ARID5B: variants seen among roughly 807,000 people sequenced by gnomAD.
ARID5B encodes AT-rich interactive domain-containing protein 5B.
A neutral mutation model predicts 97.2 loss-of-function variants in ARID5B; 13 were observed. The ratio of observed to expected loss-of-function variants is 0.13; its 90% confidence interval spans 0.09 to 0.21. The LOEUF (loss-of-function observed/expected upper bound fraction) is 0.21, where lower values mean the gene tolerates loss of function less well. Ranked by LOEUF, ARID5B falls within the 10% of genes least tolerant of loss-of-function variation. The pLI is 1.00. For synonymous variants in ARID5B, 556 were observed against 570.3 expected (o/e 0.97, Z 0.36); for missense variants, 1,210 against 1,465.3 (o/e 0.83, Z 2.84).
intron 7 of ARID5B, among the ~76,000 whole-genome samples, chr10:62,065,778 G>A (rs920096163): frequency 2.1e-5 from 3 of 145,708 alleles, no homozygotes; most frequent in East Asian, 2.1e-4. Flanking sequence ...CCTGGAAGGC[G>A]GAGCTTGTAG....
chr10:61,911,964 C>T (rs1453287975), intron 2 of ARID5B, among the ~76,000 whole-genome samples: 3 of 152,252 alleles, frequency 2.0e-5, no homozygotes, highest in Admixed American at 6.5e-5. Flanking sequence ...TACCCCAACC[C>T]TCCACCAAGG....
intron 9 of ARID5B, among the ~76,000 whole-genome samples, chr10:62,089,490 T>TCTTCCTTC (rs562636516): frequency 6.7e-6 from 1 of 149,900 alleles, no homozygotes; most frequent in Non-Finnish European, 1.5e-5. Context: ...TTCCTTCCTT[T>TCTTCCTTC]CTTCCTTCCT....
At position 62,091,438 on chromosome 10, in the gene ARID5B, G is replaced by A. The variant is rs1405883740; in HGVS notation, c.1975G>A (p.Asp659Asn). Residue 659 changes from aspartate (D) to asparagine (N), a missense_variant, in exon 10 of 10, where the codon GAC becomes AAC. Asp to Asn is a conservative substitution (Grantham distance 23). Around this residue, in one of 8 missense-constraint regions of ARID5B, gnomAD observed 800 missense variants for 839.1 expected, o/e 0.95. Transcript: ENST00000279873. Reference sequence around the variant, plus strand: ...GGTCCAGTCGTTTGACATGTTCAAAGACAAAGACCTGACTGGGCCCATGAA... The same window carrying A: ...GGTCCAGTCGTTTGACATGTTCAAAAACAAAGACCTGACTGGGCCCATGAA... ...LVVQSFDMFK[D>N]KDLTGPMNEN... 1.2e-6 allele frequency: 2 copies of A among 1,611,946 alleles called. No individual in the cohort carries two copies. Among genetic ancestry groups the A allele is most frequent in the Non-Finnish European group, 1.7e-6 (2 of 1,178,804 alleles).
chr10:62,022,934 T>A (rs1462525496), intron 4 of ARID5B, among the ~76,000 whole-genome samples: 1 of 152,258 alleles, frequency 6.6e-6, no homozygotes, highest in Non-Finnish European at 1.5e-5. Flanking sequence ...GTGCCCGTGT[T>A]AACGAACTTC....
intron 4 of ARID5B, among the ~76,000 whole-genome samples, chr10:62,019,312 T>C (rs1839324027): frequency 6.6e-6 from 1 of 152,216 alleles, no homozygotes; most frequent in South Asian, 2.1e-4. Context: ...TTGCTATTAT[T>C]TCTCCTTAAT....
At chr10:62,059,034 C>G (rs537107304) in intron 6 of ARID5B, among the ~76,000 whole-genome samples, 7 of 152,220 alleles carry the variant, frequency 4.6e-5, no homozygotes, top group Admixed American at 6.5e-5. Context: ...AGCTTTATGA[C>G]TGTTTCTTAA....
At chr10:62,059,391 T>C in intron 7 of ARID5B, 96 bp downstream of exon 7, 1 of 983,454 alleles carries the variant, frequency 1.0e-6, no homozygotes, top group East Asian at 2.5e-5. Flanking sequence ...AAAACATCAC[T>C]GACTGCCTTT....
At chr10:61,908,799 C>CAAAAAAAA (rs369792859) in intron 2 of ARID5B, among the ~76,000 whole-genome samples, 17 of 50,984 alleles carry the variant, frequency 3.3e-4, no homozygotes, top group East Asian at 6.5e-4. Context: ...GACTCCATCT[C>CAAAAAAAA]AAAAAAAAAA....
chr10:62,065,460 A>G (rs1175389502), intron 7 of ARID5B, among the ~76,000 whole-genome samples: 4 of 152,150 alleles, frequency 2.6e-5, no homozygotes. Context: ...GTGGATGGTG[A>G]TGTGAATCTG....
At chr10:62,082,675 T>C (rs76112156) in intron 8 of ARID5B, among the ~76,000 whole-genome samples, 2,453 of 152,338 alleles carry the variant, frequency 0.016, 24 homozygotes, top group South Asian at 0.025. Flanking sequence ...AACCTGTTTT[T>C]AATGGTACCA....
intron 2 of ARID5B, among the ~76,000 whole-genome samples, chr10:61,912,384 A>G (rs1300290665): frequency 6.6e-6 from 1 of 151,362 alleles, no homozygotes; most frequent in African/African-American, 2.5e-5. Flanking sequence ...ATAGTACTGT[A>G]TTGTATACTT....
At chr10:62,050,775 C>G in intron 4 of ARID5B, 113 bp from the exon 5 acceptor site, 1 of 866,312 alleles carries the variant, frequency 1.2e-6, no homozygotes, top group South Asian at 1.6e-5. Flanking sequence ...TGCCACAGAT[C>G]TGTACATTTC....
rs138308936 is a variant in ARID5B at position 61,911,448 on chromosome 10, G to GT, written c.276+9039dup. 4.6e-5 allele frequency among the ~76,000 whole-genome samples: 7 copies of GT among 152,244 alleles called. No individual in the cohort carries two copies. The East Asian group carries it at 1.3e-3, about 29-fold the overall frequency. On this transcript the variant is annotated intron_variant, in intron 2 of 9. Transcript: ENST00000279873. Reference sequence around the variant, plus strand: ...ATATAAAGTATATGCTGTTCAACCTGTTTTATATGTGGGAAGAAGTTTTAT... The same window carrying GT: ...ATATAAAGTATATGCTGTTCAACCTGTTTTTATATGTGGGAAGAAGTTTTAT...
intron 4 of ARID5B, among the ~76,000 whole-genome samples, chr10:62,045,467 G>C (rs1265769759): frequency 7.7e-6 from 1 of 130,302 alleles, no homozygotes; most frequent in Non-Finnish European, 1.6e-5. Context: ...TTTTTTTTTA[G>C]ACGAAGTCTT....
At chr10:61,955,615 C>T (rs182790179) in intron 3 of ARID5B, among the ~76,000 whole-genome samples, 2 of 152,250 alleles carry the variant, frequency 1.3e-5, no homozygotes, top group East Asian at 3.9e-4. Context: ...ACTATACTTA[C>T]TATCTCTTCA....
chr10:62,091,088 T>C lies in ARID5B; in HGVS notation c.1625T>C (p.Leu542Pro), dbSNP rs200031871. ...GGAGAGAAGGGGCCCACACCTCCACTCCCAAGTGCTCCTCTGGCCCCAGAA... is the reference window on the plus strand; with the variant it reads ...GGAGAGAAGGGGCCCACACCTCCACCCCCAAGTGCTCCTCTGGCCCCAGAA... The part of the protein sequence containing the change: ...EAGEKGPTPP[L>P]PSAPLAPEKD... The change falls in exon 10 of 10, where the codon CTC becomes CCC. Residue 542 changes from leucine to proline, a missense_variant. This residue lies in a region of ARID5B where 800 missense variants were observed against 839.1 expected (regional missense o/e 0.95). Transcript: ENST00000279873. 2.7e-5 allele frequency: 44 copies of C among 1,613,804 alleles called. No individual in the cohort carries two copies. Among genetic ancestry groups the C allele is most frequent in the Non-Finnish European group, 3.7e-5 (44 of 1,179,958 alleles).
At chr10:61,935,721 A>G (rs1844288516) in intron 2 of ARID5B, among the ~76,000 whole-genome samples, 3 of 152,222 alleles carry the variant, frequency 2.0e-5, no homozygotes, top group Admixed American at 2.0e-4. Context: ...TTTTACTGTA[A>G]GTTAATTTAA....
At chr10:61,983,014 C>T (rs1225152015) in intron 3 of ARID5B, among the ~76,000 whole-genome samples, 1 of 152,206 alleles carries the variant, frequency 6.6e-6, no homozygotes, top group Non-Finnish European at 1.5e-5. Context: ...ATCTCAGAGA[C>T]TCTTTCTTGG....
rs182608731 is a variant in ARID5B at position 62,079,275 on chromosome 10, G to A, written c.1200-6427G>A. Among the ~76,000 whole-genome samples the A allele has an allele frequency of 2.2e-3, 296 of 132,722 alleles. 1 individual carries two copies. Among genetic ancestry groups the A allele is most frequent in the African/African-American group, 6.7e-3 (266 of 39,792 alleles). 87.1% of individuals were successfully genotyped at this position (132,722 alleles called of 152,430 possible). A position where few individuals can be genotyped will look rare whatever the true frequency, so the allele number is the denominator to read the frequency against. On this transcript the variant is annotated intron_variant, in intron 8 of 9. Coordinates refer to ENST00000279873, the MANE Select transcript of ARID5B (RefSeq NM_032199.3). The stretch of plus-strand genomic sequence containing the variant: ...AGCAGAGGCAGGCAGTTTGGTGGTC[G>A]AACTCAAAATTTTGACACTAAATAG...
Sources: allele counts gnomAD v4.1 joint callset (sites outside exome capture counted in the v4.1 genomes callset), GRCh38; gene constraint gnomAD v4.1.1; regional missense constraint gnomAD v4.1.1; transcripts MANE v1.5; gene names NCBI Gene and HGNC (gene_info 2026-07-23, HGNC 2026-07-21).